The following MGAM variants were observed in gnomAD, a reference collection of about 807,000 sequenced individuals.
MGAM encodes the protein alpha-1,4-glucosidase.
In MGAM, 253 loss-of-function variants were observed where a neutral mutation model predicts 358.8. That is an observed-to-expected ratio of 0.71 (90% CI 0.64 to 0.78). The LOEUF is 0.78. MGAM is among the 30% of genes least tolerant of loss of function. The pLI is 0.00. For synonymous variants in MGAM, 1,105 were observed against 1,227.1 expected (o/e 0.90, Z 2.08); for missense variants, 3,080 against 3,432.6 (o/e 0.90, Z 2.57).
At chr7:142,087,253 T>C (rs1393658287) in intron 57 of MGAM, among the ~76,000 whole-genome samples, 3 of 145,924 alleles carry the variant, frequency 2.1e-5, no homozygotes, top group African/African-American at 7.3e-5. Flanking sequence ...ACTTTGCTTT[T>C]ACCTCTCAGT....
chr7:142,022,605 T>C (rs1806569186), intron 7 of MGAM, among the ~76,000 whole-genome samples, 166 bp downstream of exon 7: 1 of 152,210 alleles, frequency 6.6e-6, no homozygotes, highest in African/African-American at 2.4e-5. Flanking sequence ...GGGTGTTACC[T>C]ACCTCTCTGT....
chr7:142,010,677 T>G (rs1805528975), intron 3 of MGAM, among the ~76,000 whole-genome samples: 1 of 152,090 alleles, frequency 6.6e-6, no homozygotes, highest in Non-Finnish European at 1.5e-5. Context: ...ACATCCAACT[T>G]TTGTTATTAT....
chr7:142,028,744 T>C (rs1015198276), intron 10 of MGAM, among the ~76,000 whole-genome samples: 1 of 152,012 alleles, frequency 6.6e-6, no homozygotes, highest in Non-Finnish European at 1.5e-5. Context: ...TTAATGGAAT[T>C]GAGATTCAAA....
intron 14 of MGAM, 70 bp downstream of exon 14, chr7:142,032,979 C>G (rs1209873773): frequency 9.7e-7 from 1 of 1,032,466 alleles, no homozygotes; most frequent in Non-Finnish European, 1.4e-6. Flanking sequence ...AAGGACAGAT[C>G]TGAAAAATCT....
chr7:142,081,833 A>C (rs145141336), intron 50 of MGAM, among the ~76,000 whole-genome samples: 1 of 145,860 alleles, frequency 6.9e-6, no homozygotes, highest in African/African-American at 2.4e-5. Context: ...GAAAGGAGGC[A>C]GTGAGAGTGG....
chr7:142,041,596 T>A (rs911320324), intron 21 of MGAM, among the ~76,000 whole-genome samples: 15 of 151,732 alleles, frequency 9.9e-5, no homozygotes, highest in African/African-American at 3.6e-4. Context: ...TCAAAACCAA[T>A]CACAACCTGG....
chr7:142,041,982 A>ATAATATATATATTATATATATG (rs1210943951), intron 21 of MGAM, among the ~76,000 whole-genome samples: 285 of 13,152 alleles, frequency 0.022, 13 homozygotes, highest in African/African-American at 0.07. Context: ...ATATATATAT[A>ATAATATATATATTATATATATG]ATATAATATA....
chr7:142,033,037 G>A (rs1359969157), intron 14 of MGAM, 128 bp downstream of exon 14: 1 of 541,778 alleles, frequency 1.8e-6, no homozygotes, highest in Non-Finnish European at 3.2e-6. Flanking sequence ...AAATATGTGG[G>A]TAATATATAA....
At chr7:142,034,208 G>C (rs893407663) in intron 14 of MGAM, 54 bp from the exon 15 acceptor site, 1 of 1,320,434 alleles carries the variant, frequency 7.6e-7, no homozygotes, top group Non-Finnish European at 1.1e-6. Flanking sequence ...GATAGTCAAG[G>C]AGCAGAAAAT....
chr7:142,099,487 G>A, intron 66 of MGAM, 126 bp from the exon 67 acceptor site: 11 of 1,435,746 alleles, frequency 7.7e-6, no homozygotes, highest in Non-Finnish European at 1.1e-5. Flanking sequence ...GGTAATGGCA[G>A]GTATGTTGCA....
intron 22 of MGAM, among the ~76,000 whole-genome samples, chr7:142,049,950 T>A (rs1353341569): frequency 6.6e-6 from 1 of 152,186 alleles, no homozygotes; most frequent in Admixed American, 6.6e-5. Context: ...TCTGGGTGTA[T>A]ATCCAGAGGA....
intron 60 of MGAM, among the ~76,000 whole-genome samples, chr7:142,093,868 G>A (rs1437162122): frequency 4.8e-5 from 7 of 145,716 alleles, no homozygotes; most frequent in African/African-American, 1.7e-4. Flanking sequence ...TACAGGAGGT[G>A]AAGGGAACAC....
At chr7:141,996,300 C>CA (rs77453293) in intron 1 of MGAM, among the ~76,000 whole-genome samples, 1,354 of 77,240 alleles carry the variant, frequency 0.018, 9 homozygotes, top group Middle Eastern at 0.08. Flanking sequence ...TACTCCGTCT[C>CA]AAAAAAAAAA....
chr7:142,085,569 C>T lies in MGAM; in HGVS notation c.6508-264C>T, dbSNP rs568806302. On this transcript the variant is annotated intron_variant, in intron 54 of 70. Coordinates refer to ENST00000475668, the MANE Select transcript of MGAM (RefSeq NM_001365693.1). Reference sequence around the variant, plus strand: ...ACAAAGCACTGTCCATTCCAGTGTTCGTATTTATCCTCAGAATAGCCATCT... The same window carrying T: ...ACAAAGCACTGTCCATTCCAGTGTTTGTATTTATCCTCAGAATAGCCATCT... 7.7e-4 allele frequency among the ~76,000 whole-genome samples: 112 copies of T among 146,142 alleles called. 3 individuals are homozygous for T. Among genetic ancestry groups the T allele is most frequent in the African/African-American group, 2.6e-3 (107 of 41,194 alleles).
At chr7:142,084,776 T>G in intron 54 of MGAM, 132 bp downstream of exon 54, 2 of 1,250,722 alleles carry the variant, frequency 1.6e-6, no homozygotes, top group Non-Finnish European at 2.2e-6. Context: ...ACAGTTAGCC[T>G]CACCCCAGCA....
chr7:142,042,701 T>TG lies in MGAM; in HGVS notation c.2498+1855_2498+1856insG, dbSNP rs1422365149. 5.4e-3 allele frequency among the ~76,000 whole-genome samples: 306 copies of TG among 57,144 alleles called. 76 individuals are homozygous for TG. Among genetic ancestry groups the TG allele is most frequent in the Non-Finnish European group, 7.4e-3 (261 of 35,404 alleles). 37.5% of individuals were successfully genotyped at this position (57,144 alleles called of 152,430 possible). On this transcript the variant is annotated intron_variant, in intron 21 of 70. Coordinates refer to ENST00000475668, the MANE Select transcript of MGAM (RefSeq NM_001365693.1). ...TATATAATATATATTATGTATAATA[T>TG]TATATATAATATATTACATATATTA...
intron 63 of MGAM, among the ~76,000 whole-genome samples, chr7:142,095,089 C>T (rs1815774331): frequency 6.6e-6 from 1 of 152,236 alleles, no homozygotes; most frequent in Non-Finnish European, 1.5e-5. Flanking sequence ...ACCTCAGCCT[C>T]TTGAATAGCT....
Position 142,081,096 on chromosome 7 carries a change from G to A in MGAM, c.6002+151G>A, listed in dbSNP as rs10267379. ...GTTTCCTTCAGACCTATTCTTACAG[G>A]AAATCTTTAGCATTCTGGAAATAAT... On this transcript the variant is annotated intron_variant, in intron 50 of 70. Transcript: ENST00000475668. 8.7e-3 allele frequency among the ~76,000 whole-genome samples: 1,271 copies of A among 146,184 alleles called. 58 individuals are homozygous for A. The highest frequency in any genetic ancestry group is 0.029 in the African/African-American group (1,193 of 41,150).
At chr7:142,098,930 C>A (rs1816196957) in intron 66 of MGAM, among the ~76,000 whole-genome samples, 1 of 152,206 alleles carries the variant, frequency 6.6e-6, no homozygotes, top group Non-Finnish European at 1.5e-5. Context: ...GTTTGGGTAA[C>A]TATTACTCAT....
Sources: gnomAD v4.1 joint callset for allele counts (sites outside exome capture counted in the v4.1 genomes callset) on GRCh38, gnomAD v4.1.1 for gene constraint, MANE v1.5 for transcripts, NCBI Gene and HGNC (gene_info 2026-07-23, HGNC 2026-07-21) for gene names.